MTHFD2L: variants seen among roughly 807,000 people sequenced by gnomAD.
MTHFD2L encodes bifunctional methylenetetrahydrofolate dehydrogenase/cyclohydrolase 2, mitochondrial.
A neutral mutation model predicts 34.9 loss-of-function variants in MTHFD2L; 29 were observed. The ratio of observed to expected loss-of-function variants is 0.83; its 90% CI spans 0.62 to 1.13. MTHFD2L has a LOEUF of 1.13. Among genes scored for constraint, MTHFD2L ranks in the 50% most tolerant of loss-of-function variants. MTHFD2L has a pLI of 0.00. For synonymous variants in MTHFD2L, 167 were observed against 155.7 expected, an observed-to-expected ratio of 1.07 and a Z score of -0.54; for missense variants, 481 against 446.5, an observed-to-expected ratio of 1.08 and a Z score of -0.70.
intron 5 of MTHFD2L, among the ~76,000 whole-genome samples, chr4:74,205,834 G>C (rs1342091373): frequency 1.3e-5 from 2 of 151,480 alleles, no homozygotes; most frequent in East Asian, 4.0e-4. Context: ...GGTGGTGATG[G>C]GGGAACAAGG....
At chr4:74,217,420 A>C in intron 5 of MTHFD2L, among the ~76,000 whole-genome samples, 1 of 151,830 alleles carries the variant, frequency 6.6e-6, no homozygotes, top group Non-Finnish European at 1.5e-5. Flanking sequence ...TTTTGGCTTC[A>C]TTTGTCTAAA....
intron 3 of MTHFD2L, among the ~76,000 whole-genome samples, chr4:74,179,688 G>C (rs1171997901): frequency 6.6e-6 from 1 of 152,012 alleles, no homozygotes; most frequent in Non-Finnish European, 1.5e-5. Context: ...TTAGTTAATA[G>C]AAAAAGTTGG....
intron 1 of MTHFD2L, among the ~76,000 whole-genome samples, chr4:74,150,925 T>C (rs1268884737): frequency 6.6e-6 from 1 of 151,982 alleles, no homozygotes; most frequent in African/African-American, 2.4e-5. Context: ...ATAGATAAAC[T>C]ATATGGAATC....
At chr4:74,176,270 A>G (rs924495504) in intron 3 of MTHFD2L, among the ~76,000 whole-genome samples, 1 of 152,056 alleles carries the variant, frequency 6.6e-6, no homozygotes, top group African/African-American at 2.4e-5. Flanking sequence ...CTCCATTTAC[A>G]TTAAATTAGA....
chr4:74,144,640 T>A (rs1222244635), intron 1 of MTHFD2L, among the ~76,000 whole-genome samples: 1 of 152,198 alleles, frequency 6.6e-6, no homozygotes, highest in East Asian at 1.9e-4. Context: ...ACTTTACTAT[T>A]TTTTCTTCCA....
intron 6 of MTHFD2L, among the ~76,000 whole-genome samples, chr4:74,259,756 TGAAAA>T (rs1375175543): frequency 6.6e-6 from 1 of 152,092 alleles, no homozygotes; most frequent in Non-Finnish European, 1.5e-5. Flanking sequence ...AAGTAGGGAA[TGAAAA>T]AGCCAAGAAA....
At chr4:74,136,549 AC>A (rs1194651995) in intron 1 of MTHFD2L, among the ~76,000 whole-genome samples, 1 of 152,094 alleles carries the variant, frequency 6.6e-6, no homozygotes, top group Non-Finnish European at 1.5e-5. Flanking sequence ...TGACAATACT[AC>A]CCCAAACAAT....
chr4:74,220,693 A>G (rs1738017250), intron 5 of MTHFD2L, among the ~76,000 whole-genome samples: 2 of 151,710 alleles, frequency 1.3e-5, no homozygotes, highest in African/African-American at 2.4e-5. Context: ...TTGTACTGCT[A>G]TTATAATGGG....
chr4:74,206,701 G>C (rs1560486554), intron 5 of MTHFD2L, among the ~76,000 whole-genome samples: 1 of 151,792 alleles, frequency 6.6e-6, no homozygotes, highest in South Asian at 2.1e-4. Context: ...CTTTCTTTCA[G>C]AATGAAAACT....
At chr4:74,280,224 C>A (rs1356413772) in intron 6 of MTHFD2L, 1 of 152,084 alleles carries the variant, frequency 6.6e-6, no homozygotes, top group East Asian at 1.9e-4. Flanking sequence ...TGTGTTACTT[C>A]TTGACCAATA....
intron 7 of MTHFD2L, among the ~76,000 whole-genome samples, chr4:74,295,886 G>A (rs761338722): frequency 2.6e-5 from 4 of 152,036 alleles, no homozygotes; most frequent in African/African-American, 4.8e-5. Flanking sequence ...GGAAAAACTC[G>A]GCATGGATAT....
chr4:74,179,208 T>C (rs878872559), intron 3 of MTHFD2L, among the ~76,000 whole-genome samples: 1 of 152,100 alleles, frequency 6.6e-6, no homozygotes, highest in Non-Finnish European at 1.5e-5. Context: ...TTAAACTTCT[T>C]GTTACGTTTT....
At chr4:74,136,790 G>T (rs1271582832) in intron 1 of MTHFD2L, among the ~76,000 whole-genome samples, 1 of 151,932 alleles carries the variant, frequency 6.6e-6, no homozygotes, top group Non-Finnish European at 1.5e-5. Context: ...AAATAAAACA[G>T]AATAATAATC....
intron 5 of MTHFD2L, among the ~76,000 whole-genome samples, chr4:74,202,830 A>G (rs749552318): frequency 6.6e-6 from 1 of 152,190 alleles, no homozygotes; most frequent in African/African-American, 2.4e-5. Context: ...ATATTTAACC[A>G]GAATGATAGA....
At chr4:74,251,258 C>T (rs567827666) in intron 6 of MTHFD2L, among the ~76,000 whole-genome samples, 4 of 152,254 alleles carry the variant, frequency 2.6e-5, no homozygotes, top group South Asian at 4.1e-4. Context: ...GCAAAACTTG[C>T]GGTTCTTGAC....
chr4:74,178,058 CATAG>C (rs1312735742), intron 3 of MTHFD2L, among the ~76,000 whole-genome samples: 5 of 151,790 alleles, frequency 3.3e-5, no homozygotes, highest in African/African-American at 4.8e-5. Context: ...CTCATGGAAA[CATAG>C]AGTTAATGGT....
chr4:74,267,002 A>G (rs1745361317), intron 6 of MTHFD2L: 3 of 985,456 alleles, frequency 3.0e-6, no homozygotes, highest in Non-Finnish European at 3.6e-6. Context: ...TGGGGAACCT[A>G]AAGGGATTTG....
At chr4:74,123,901 G>T (rs1372111121), upstream of MTHFD2L, among the ~76,000 whole-genome samples, 1 of 151,992 alleles carries the variant, frequency 6.6e-6, no homozygotes, top group Non-Finnish European at 1.5e-5. Flanking sequence ...CATTAAATTT[G>T]GAATTATTTA....
intron 1 of MTHFD2L, among the ~76,000 whole-genome samples, chr4:74,149,974 C>A (rs1338108561): frequency 6.6e-6 from 1 of 151,996 alleles, no homozygotes; most frequent in East Asian, 1.9e-4. Flanking sequence ...AGAATAGAGA[C>A]CCTCCCCTGG....
Sources: gnomAD v4.1 joint callset for allele counts (sites outside exome capture counted in the v4.1 genomes callset) on GRCh38, gnomAD v4.1.1 for gene constraint, MANE v1.5 for transcripts, NCBI Gene and HGNC (gene_info 2026-07-23, HGNC 2026-07-21) for gene names.